The following MOCOS variants were observed in gnomAD, a reference collection of about 807,000 sequenced individuals.
MOCOS encodes the protein molybdenum cofactor sulfurase, also known as human molybdenum cofactor sulfurase.
MOCOS carries 86 observed loss-of-function variants against 83.6 expected under a neutral mutation model. The observed-to-expected ratio is 1.03, with a 90% CI of 0.86 to 1.23. MOCOS has a LOEUF of 1.23. Ranked by LOEUF, MOCOS falls within the 50% of genes most tolerant of loss-of-function variation. MOCOS has a pLI of 0.00. For missense variants in MOCOS, 1,120 were observed against 1,126.9 expected (o/e 0.99, Z 0.09); for synonymous variants, 445 against 434.7 (o/e 1.02, Z -0.29).
intron 8 of MOCOS, among the ~76,000 whole-genome samples, chr18:36,219,576 G>A (rs2091488184): frequency 6.6e-6 from 1 of 152,138 alleles, no homozygotes; most frequent in Non-Finnish European, 1.5e-5. Flanking sequence ...CTACTCAGGA[G>A]GCTGAGGCAG....
rs200268466 is a variant in MOCOS at position 36,251,310 on chromosome 18, A to T, written c.2164+27A>T. Reference sequence around the variant, plus strand: ...TATTACATTTTGAATTGGTTCGTAGAGAACAGGAACCCTGGCTTACCCTTG... The same window carrying T: ...TATTACATTTTGAATTGGTTCGTAGTGAACAGGAACCCTGGCTTACCCTTG... On this transcript the variant is annotated intron_variant, in intron 11 of 14. Coordinates refer to ENST00000261326, the MANE Select transcript of MOCOS (RefSeq NM_017947.4). 258 of 1,612,660 alleles carry T rather than the reference A, an allele frequency of 1.6e-4. 1 individual carries two copies. Among genetic ancestry groups the T allele is most frequent in the Non-Finnish European group, 2.1e-4 (243 of 1,179,294 alleles).
chr18:36,268,485 G>A, intron 14 of MOCOS, 48 bp from the exon 15 acceptor site: 1 of 1,610,790 alleles, frequency 6.2e-7, no homozygotes, highest in Non-Finnish European at 8.5e-7. Context: ...TATTTTAATT[G>A]CTAAAATAAT....
intron 7 of MOCOS, 101 bp from the exon 8 acceptor site, chr18:36,215,414 TG>T: frequency 8.9e-7 from 1 of 1,119,516 alleles, no homozygotes; most frequent in Non-Finnish European, 1.3e-6. Context: ...TCTGTTTTCC[TG>T]GGTTAATTTT....
At position 36,268,676 on chromosome 18, in the gene MOCOS, T is replaced by C; in HGVS notation, c.2658T>C (p.Val886=). ...CTGCATCTGAGAAACACCAGGATGT[T>C]ACCTCCTAAAAAAAATTTTTAGCAT... The part of the protein sequence containing the change: ...DLPASEKHQD[V]TS The change falls in exon 15 of 15, where the codon GTT becomes GTC. Residue 886 remains valine (V), a synonymous_variant. Coordinates refer to ENST00000261326, the MANE Select transcript of MOCOS (RefSeq NM_017947.4). 6.3e-7 allele frequency: 1 copy of C among 1,596,076 alleles called. No individual in the cohort carries two copies.
chr18:36,195,433 G>T, intron 2 of MOCOS, 87 bp downstream of exon 2: 1 of 1,236,102 alleles, frequency 8.1e-7, no homozygotes, highest in South Asian at 1.2e-5. Flanking sequence ...AATAGGCCAG[G>T]AATATTCTGA....
intron 7 of MOCOS, among the ~76,000 whole-genome samples, chr18:36,214,433 G>C (rs1568054491): frequency 6.6e-6 from 1 of 152,034 alleles, no homozygotes; most frequent in Non-Finnish European, 1.5e-5. Context: ...CTCCAAGCTA[G>C]AGTTAGCTGA....
intron 8 of MOCOS, among the ~76,000 whole-genome samples, chr18:36,218,448 C>A (rs2091483016): frequency 6.6e-6 from 1 of 151,950 alleles, no homozygotes; most frequent in Admixed American, 6.6e-5. Context: ...AAACTAGTTT[C>A]TCAGGGAGCT....
In MOCOS at chr18:36,245,829, CT is replaced by C. The variant is rs566046160; in HGVS notation, c.1961-3087del. 7.2e-5 allele frequency among the ~76,000 whole-genome samples: 11 copies of C among 152,062 alleles called. No homozygotes were observed. In the East Asian group the frequency reaches 2.1e-3, roughly 29 times the overall value. On this transcript the variant is annotated intron_variant, in intron 9 of 14. Transcript: ENST00000261326. ...GAGACTTTGTTCATTTTTTAAAATT[CT>C]TTTTTATTTGTCTTTTGGATTGGGT... is the stretch of plus-strand genomic sequence containing the variant.
intron 11 of MOCOS, among the ~76,000 whole-genome samples, chr18:36,253,945 G>A (rs1317903498): frequency 2.6e-5 from 4 of 152,286 alleles, no homozygotes; most frequent in African/African-American, 9.6e-5. Flanking sequence ...ACTTGGCGAG[G>A]TGGCTGCATC....
intron 11 of MOCOS, among the ~76,000 whole-genome samples, chr18:36,256,267 G>A (rs1408265859): frequency 6.6e-6 from 1 of 152,126 alleles, no homozygotes; most frequent in African/African-American, 2.4e-5. Context: ...AGGGCAAACA[G>A]CTTTTCCCTG....
intron 9 of MOCOS, among the ~76,000 whole-genome samples, chr18:36,241,125 G>T (rs1476415984): frequency 6.6e-6 from 1 of 152,056 alleles, no homozygotes; most frequent in Non-Finnish European, 1.5e-5. Context: ...CTGTAGACCG[G>T]AGCTGTTCCT....
chr18:36,201,809 G>C (rs1446187748), intron 4 of MOCOS, among the ~76,000 whole-genome samples: 1 of 152,106 alleles, frequency 6.6e-6, no homozygotes, highest in Non-Finnish European at 1.5e-5. Flanking sequence ...TCTAAAACAG[G>C]AATGCTCATG....
chr18:36,242,723 A>C (rs1026558198), intron 9 of MOCOS, among the ~76,000 whole-genome samples: 2 of 152,224 alleles, frequency 1.3e-5, no homozygotes, highest in Non-Finnish European at 2.9e-5. Flanking sequence ...ACATGGTGGC[A>C]GGAGAGAGAA....
At chr18:36,229,622 C>T (rs2091530491) in intron 9 of MOCOS, among the ~76,000 whole-genome samples, 1 of 152,080 alleles carries the variant, frequency 6.6e-6, no homozygotes, top group Non-Finnish European at 1.5e-5. Context: ...AAGTTTTAGA[C>T]TCCCATAATG....
intron 9 of MOCOS, among the ~76,000 whole-genome samples, chr18:36,229,879 G>A (rs2091531574): frequency 6.6e-6 from 1 of 151,818 alleles, no homozygotes; most frequent in African/African-American, 2.4e-5. Flanking sequence ...CTATTTCCTT[G>A]TCGAACTATT....
At chr18:36,243,297 C>T (rs2091590949) in intron 9 of MOCOS, among the ~76,000 whole-genome samples, 1 of 151,982 alleles carries the variant, frequency 6.6e-6, no homozygotes, top group Non-Finnish European at 1.5e-5. Flanking sequence ...CTGGCTACAA[C>T]TTTGCTGAGG....
intron 1 of MOCOS, 48 bp downstream of exon 1, chr18:36,187,729 C>T: frequency 2.4e-6 from 3 of 1,251,802 alleles, no homozygotes; most frequent in Non-Finnish European, 3.0e-6. Context: ...CTGGAACCGA[C>T]GTGGACGGAT....
chr18:36,260,101 A>G lies in MOCOS; in HGVS notation c.2335A>G (p.Ile779Val). 1 of 1,614,202 alleles carries G rather than the reference A, an allele frequency of 6.2e-7. No homozygotes were observed. Among genetic ancestry groups the G allele is most frequent in the Non-Finnish European group, 8.5e-7 (1 of 1,180,024 alleles). ...KDLSLRFRAN[I>V]IINGKRAFEE... is the part of the protein sequence containing the mutation. ...TCTCAGCTTGCGTTTTCGTGCCAAT[A>G]TTATTATCAATGGAAAAAGGGCTTT... The change falls in exon 13 of 15, where the codon ATT becomes GTT. Residue 779 changes from isoleucine to valine, a missense_variant. Transcript: ENST00000261326.
At chr18:36,238,442 T>C (rs369542174) in intron 9 of MOCOS, among the ~76,000 whole-genome samples, 1 of 150,010 alleles carries the variant, frequency 6.7e-6, no homozygotes, top group Non-Finnish European at 1.5e-5. Context: ...AGTTGAGCGG[T>C]TTTGAGTGAG....
Sources: allele counts gnomAD v4.1 joint callset (sites outside exome capture counted in the v4.1 genomes callset), GRCh38; gene constraint gnomAD v4.1.1; transcripts MANE v1.5; gene names NCBI Gene and HGNC (gene_info 2026-07-23, HGNC 2026-07-21).